ANKS1B: variants seen among roughly 807,000 people sequenced by gnomAD.
The protein encoded by ANKS1B is ankyrin repeat and sterile alpha motif domain containing 1B, also known as ankyrin repeat and sterile alpha motif domain-containing protein 1B.
ANKS1B carries 36 observed loss-of-function variants against 148.3 expected under a neutral mutation model. The observed-to-expected ratio is 0.24, with a 90% CI of 0.19 to 0.32. ANKS1B has a LOEUF of 0.32. ANKS1B is among the 10% of genes least tolerant of loss of function. The pLI, the probability that ANKS1B is intolerant of heterozygous loss-of-function variation, is 1.00. For synonymous variants in ANKS1B, 542 were observed against 560.8 expected (o/e 0.97, Z 0.47); for missense variants, 1,157 against 1,542.6 (o/e 0.75, Z 4.19).
intron 15 of ANKS1B, among the ~76,000 whole-genome samples, chr12:99,132,896 G>C (rs11109734): frequency 0.19 from 28,581 of 151,974 alleles, 2,939 homozygotes; most frequent in East Asian, 0.33. Context: ...ATGAGGTTGA[G>C]GAATGGTACT....
At chr12:98,750,198 T>G (rs890295210) in intron 26 of ANKS1B, among the ~76,000 whole-genome samples, 1 of 152,100 alleles carries the variant, frequency 6.6e-6, no homozygotes, top group African/African-American at 2.4e-5. Context: ...GGGTCAGTGC[T>G]GAATGGGAGG....
At chr12:99,145,262 G>A (rs564928624) in intron 15 of ANKS1B, among the ~76,000 whole-genome samples, 14 of 152,198 alleles carry the variant, frequency 9.2e-5, no homozygotes, top group African/African-American at 3.4e-4. Flanking sequence ...AGAAGCAAGA[G>A]TTCTGGGCAG....
At chr12:99,853,964 GA>G (rs377578349) in intron 1 of ANKS1B, among the ~76,000 whole-genome samples, 75 of 149,148 alleles carry the variant, frequency 5.0e-4, no homozygotes, top group African/African-American at 1.8e-3. Context: ...TGAACAAGTA[GA>G]AAAAAAAAAC....
At chr12:98,823,924 A>G (rs1012467008) in intron 19 of ANKS1B, among the ~76,000 whole-genome samples, 1 of 152,230 alleles carries the variant, frequency 6.6e-6, no homozygotes, top group African/African-American at 2.4e-5. Flanking sequence ...TCTCAGGAAA[A>G]GTATATAAGA....
intron 17 of ANKS1B, among the ~76,000 whole-genome samples, chr12:99,027,249 A>G (rs1215450952): frequency 6.6e-6 from 1 of 152,236 alleles, no homozygotes; most frequent in Non-Finnish European, 1.5e-5. Flanking sequence ...GGGTCTTGTT[A>G]CTGGAAATAT....
At chr12:99,350,555 G>A (rs1369654253) in intron 12 of ANKS1B, among the ~76,000 whole-genome samples, 1 of 151,962 alleles carries the variant, frequency 6.6e-6, no homozygotes, top group East Asian at 1.9e-4. Flanking sequence ...AAAATTAGTA[G>A]TCCATATGAA....
intron 14 of ANKS1B, among the ~76,000 whole-genome samples, chr12:99,236,437 A>T (rs1296326313): frequency 6.6e-6 from 1 of 152,130 alleles, no homozygotes; most frequent in Non-Finnish European, 1.5e-5. Context: ...CACATCTTAC[A>T]TGGCAGCAGG....
At chr12:99,624,374 C>A (rs35432623) in intron 9 of ANKS1B, among the ~76,000 whole-genome samples, 80,747 of 151,890 alleles carry the variant, frequency 0.53, 21,962 homozygotes, top group Admixed American at 0.59. Context: ...TCCTCAAAAG[C>A]AATTGCAACA....
At chr12:99,423,701 G>A (rs2095165244) in intron 11 of ANKS1B, among the ~76,000 whole-genome samples, 1 of 152,106 alleles carries the variant, frequency 6.6e-6, no homozygotes, top group African/African-American at 2.4e-5. Flanking sequence ...CATGGATGGA[G>A]CTGGAGGTCA....
intron 1 of ANKS1B, among the ~76,000 whole-genome samples, chr12:99,903,723 T>C (rs2093678715): frequency 6.6e-6 from 1 of 151,356 alleles, no homozygotes; most frequent in South Asian, 2.1e-4. Flanking sequence ...ACAATGGACT[T>C]TGGGGACTCC....
At chr12:99,428,242 G>C (rs571408257) in intron 11 of ANKS1B, among the ~76,000 whole-genome samples, 3 of 151,954 alleles carry the variant, frequency 2.0e-5, no homozygotes, top group African/African-American at 7.3e-5. Context: ...AGGTGAGAAG[G>C]GTATCCATCA....
chr12:99,585,171 T>A (rs1025541243), intron 9 of ANKS1B, among the ~76,000 whole-genome samples: 1 of 152,096 alleles, frequency 6.6e-6, no homozygotes, highest in African/African-American at 2.4e-5. Flanking sequence ...ACTTCCTAGA[T>A]ACAATGGAGG....
intron 8 of ANKS1B, among the ~76,000 whole-genome samples, chr12:99,694,519 T>C (rs2053610737): frequency 6.6e-6 from 1 of 151,172 alleles, no homozygotes; most frequent in Non-Finnish European, 1.5e-5. Context: ...CTATATGGAG[T>C]TTCAACAAAA....
chr12:99,205,690 C>T (rs1215818272), intron 14 of ANKS1B, among the ~76,000 whole-genome samples: 5 of 152,104 alleles, frequency 3.3e-5, no homozygotes, highest in African/African-American at 1.2e-4. Context: ...AGCATTTGAC[C>T]TTGAGGTGCC....
chr12:98,736,475 G>C (rs536440350), intron 9 of ANKS1B, among the ~76,000 whole-genome samples: 1 of 152,156 alleles, frequency 6.6e-6, no homozygotes, highest in African/African-American at 2.4e-5. Flanking sequence ...TTGCGGACGC[G>C]GTAAGTTTGA....
chr12:98,784,976 T>C (rs936605338), intron 22 of ANKS1B, among the ~76,000 whole-genome samples: 1 of 152,148 alleles, frequency 6.6e-6, no homozygotes, highest in Non-Finnish European at 1.5e-5. Flanking sequence ...AAGAAGCTGA[T>C]GGATCCTGAC....
Position 99,669,608 on chromosome 12 carries a change from G to A in ANKS1B, c.1129-14398C>T, listed in dbSNP as rs534830951. ...ATTGTTGGCCTTGTGTGAGCTCCAG[G>A]GATTTTTCTGTTTATGTATCTCCAG... On this transcript the variant is annotated intron_variant, in intron 8 of 26. Transcript: ENST00000683438. 6.2e-4 allele frequency among the ~76,000 whole-genome samples: 95 copies of A among 152,016 alleles called. 2 individuals carry two copies. The South Asian group carries it at 8.3e-3, about 13-fold the overall frequency.
intron 17 of ANKS1B, among the ~76,000 whole-genome samples, chr12:98,865,513 A>G: frequency 6.6e-6 from 1 of 152,196 alleles, no homozygotes; most frequent in Non-Finnish European, 1.5e-5. Context: ...TCCTGCCCTC[A>G]TGGAGCTTAT....
chr12:99,280,905 G>A (rs985896387), intron 12 of ANKS1B, among the ~76,000 whole-genome samples: 1 of 147,772 alleles, frequency 6.8e-6, no homozygotes, highest in Non-Finnish European at 1.5e-5. Flanking sequence ...ACACATGCAC[G>A]TACACACACA....
Sources: gnomAD v4.1 joint callset for allele counts (sites outside exome capture counted in the v4.1 genomes callset) on GRCh38, gnomAD v4.1.1 for gene constraint, MANE v1.5 for transcripts, NCBI Gene and HGNC (gene_info 2026-07-23, HGNC 2026-07-21) for gene names.